The following NEURL1 variants were observed in gnomAD, a reference collection of about 807,000 sequenced individuals.
NEURL1 encodes the protein E3 ubiquitin-protein ligase NEURL1.
A neutral mutation model predicts 41.2 loss-of-function variants in NEURL1; 26 were observed. The ratio of observed to expected loss-of-function variants is 0.63; its 90% CI spans 0.46 to 0.87. The LOEUF (loss-of-function observed/expected upper bound fraction) is 0.87. Among genes scored for constraint, NEURL1 ranks in the 40% least tolerant of loss-of-function variants. The pLI, the probability that NEURL1 is intolerant of heterozygous loss-of-function variation, is 0.00. For missense variants in NEURL1, 761 were observed against 871.1 expected (o/e 0.87, Z 1.59); for synonymous variants, 400 against 402.3 (o/e 0.99, Z 0.07).
intron 1 of NEURL1, among the ~76,000 whole-genome samples, chr10:103,536,428 C>T (rs905234617): frequency 6.6e-6 from 1 of 152,086 alleles, no homozygotes; most frequent in African/African-American, 2.4e-5. Flanking sequence ...CCTGTAGTTC[C>T]AGCTACTTGG....
chr10:103,575,641 T>C (rs1044585024), intron 3 of NEURL1, among the ~76,000 whole-genome samples: 3 of 152,172 alleles, frequency 2.0e-5, no homozygotes, highest in Non-Finnish European at 4.4e-5. Flanking sequence ...AAGCCCACAA[T>C]GGTGCCCATG....
chr10:103,570,979 T>A lies in NEURL1; in HGVS notation c.193T>A (p.Phe65Ile). ...GGGGCTCCCAGCCACGCCGCTGCTC[T>A]TCCACCCGCACACCAAGGGCTCCCA... is the stretch of plus-strand genomic sequence containing the variant. The part of the protein sequence containing the change: ...SGGLPATPLL[F>I]HPHTKGSQIL... Residue 65 changes from phenylalanine (F) to isoleucine (I), a missense_variant, in exon 2 of 6, where the codon TTC (phenylalanine) becomes ATC (isoleucine). Physicochemically the swap from Phe to Ile is conservative, Grantham distance 21. Transcript: ENST00000369780. 2.5e-6 allele frequency: 4 copies of A among 1,613,972 alleles called. No homozygotes were observed. Among genetic ancestry groups the A allele is most frequent in the Non-Finnish European group, 3.4e-6 (4 of 1,179,986 alleles).
At chr10:103,510,970 C>T (rs1218113883) in intron 1 of NEURL1, among the ~76,000 whole-genome samples, 4 of 152,304 alleles carry the variant, frequency 2.6e-5, no homozygotes, top group Non-Finnish European at 5.9e-5. Context: ...TTTCCACTGC[C>T]CAGGTCACAC....
intron 1 of NEURL1, among the ~76,000 whole-genome samples, chr10:103,533,808 T>A (rs913426888): frequency 1.3e-5 from 2 of 152,130 alleles, no homozygotes; most frequent in Non-Finnish European, 2.9e-5. Context: ...AGTGCTGGGA[T>A]TACAGGCTTG....
At position 103,584,535 on chromosome 10, in the gene NEURL1, G is replaced by A. The variant is rs1263223614; in HGVS notation, c.650-1G>A. 1.8e-5 allele frequency: 24 copies of A among 1,365,356 alleles called. No individual in the cohort carries two copies. Among genetic ancestry groups the A allele is most frequent in the Non-Finnish European group, 2.2e-5 (23 of 1,064,238 alleles). 84.6% of individuals were successfully genotyped at this position (1,365,356 alleles called of 1,614,324 possible). A position where few individuals can be genotyped will look rare whatever the true frequency, so the allele number is the denominator to read the frequency against. ...GACACTGCCCCGTGTCTCCCGCGCA[G>A]ATAGCGAGCTGGTGCTCCCGGACTG... is the stretch of plus-strand genomic sequence containing the variant. On this transcript the variant is annotated splice_acceptor_variant, in intron 3 of 5. Coordinates refer to ENST00000369780, the MANE Select transcript of NEURL1 (RefSeq NM_004210.5). LOFTEE classifies it high-confidence loss of function.
At chr10:103,503,918 T>C (rs1419664634) in intron 1 of NEURL1, among the ~76,000 whole-genome samples, 1 of 151,074 alleles carries the variant, frequency 6.6e-6, no homozygotes, top group Non-Finnish European at 1.5e-5. Flanking sequence ...GCCTCCTGAG[T>C]AGCTAAGACT....
intron 1 of NEURL1, among the ~76,000 whole-genome samples, chr10:103,528,215 GC>G (rs1314687820): frequency 9.2e-5 from 14 of 152,186 alleles, no homozygotes; most frequent in African/African-American, 3.4e-4. Flanking sequence ...AATTAGCTGG[GC>G]GTGGTGGCAG....
In NEURL1 at chr10:103,591,992, C is replaced by T. The variant is rs753612651; in HGVS notation, c.*1620C>T. The T allele has an allele frequency of 6.6e-6, 1 of 152,410 alleles. No individual in the cohort carries two copies. Among genetic ancestry groups the T allele is most frequent in the African/African-American group, 2.4e-5 (1 of 41,446 alleles). The allele number at this position is 152,410 out of a possible 1,614,324, so 9.4% of individuals were successfully genotyped here. On this transcript the variant is annotated 3_prime_UTR_variant, in exon 6 of 6. Transcript: ENST00000369780. ...GGTCGGTCCTCTCAGCCCTGCCTGC[C>T]CTGGCCTGGGCTCTCCCAGCCTCCC...
At chr10:103,527,302 T>TG (rs2034480993) in intron 1 of NEURL1, among the ~76,000 whole-genome samples, 1 of 149,516 alleles carries the variant, frequency 6.7e-6, no homozygotes, top group Non-Finnish European at 1.5e-5. Flanking sequence ...TTTTTTTGGT[T>TG]TTTTTTTTTT....
chr10:103,538,166 C>T (rs545167330), intron 1 of NEURL1, among the ~76,000 whole-genome samples: 155 of 152,170 alleles, frequency 1.0e-3, no homozygotes, highest in Non-Finnish European at 1.9e-3. Context: ...ATGATCTCAG[C>T]TCACTGCAAC....
At position 103,578,225 on chromosome 10, in the gene NEURL1, C is replaced by T. The variant is rs148173575; in HGVS notation, c.650-6311C>T. Among the ~76,000 whole-genome samples the T allele has an allele frequency of 2.4e-4, 36 of 152,260 alleles. No individual in the cohort carries two copies. The East Asian group carries it at 6.8e-3, about 29-fold the overall frequency. ...CACTTACCTCACAGATGTGGAAAGG[C>T]ATTTACACAAATGAGAAGGGCTTTT... On this transcript the variant is annotated intron_variant, in intron 3 of 5. Transcript: ENST00000369780.
chr10:103,500,532 G>A (rs757438375), intron 1 of NEURL1, among the ~76,000 whole-genome samples: 34 of 152,290 alleles, frequency 2.2e-4, no homozygotes, highest in Non-Finnish European at 4.1e-4. Context: ...AGAGAGATGG[G>A]GGAGTAATTT....
rs2036031142 is a variant in NEURL1 at position 103,590,941 on chromosome 10, T to TCTCTTTCTTC, written c.*570_*579dup. ...CTCCCTCTCTGACCTATGCCTACCT[T>TCTCTTTCTTC]CTCTTTCTTCGTTCCCTGCCCACTG... On this transcript the variant is annotated 3_prime_UTR_variant, in exon 6 of 6. Transcript: ENST00000369780. 6.5e-6 allele frequency: 1 copy of TCTCTTTCTTC among 153,624 alleles called. No individual in the cohort carries two copies. Among genetic ancestry groups the TCTCTTTCTTC allele is most frequent in the African/African-American group, 2.4e-5 (1 of 41,426 alleles). The allele number at this position is 153,624 out of a possible 1,614,324, so 9.5% of individuals were successfully genotyped here.
intron 1 of NEURL1, among the ~76,000 whole-genome samples, chr10:103,495,232 A>C (rs2033654944): frequency 6.6e-6 from 1 of 152,148 alleles, no homozygotes; most frequent in Non-Finnish European, 1.5e-5. Flanking sequence ...TTTGGAAGAC[A>C]CTGCTGGGTC....
chr10:103,585,338 G>A (rs2035897341), intron 4 of NEURL1, 113 bp downstream of exon 4: 2 of 993,916 alleles, frequency 2.0e-6, no homozygotes, highest in Non-Finnish European at 1.4e-6. Flanking sequence ...GTGTTGCTAA[G>A]GAATCACAGA....
At chr10:103,542,262 T>G (rs760866055) in intron 1 of NEURL1, among the ~76,000 whole-genome samples, 4 of 152,144 alleles carry the variant, frequency 2.6e-5, no homozygotes, top group African/African-American at 4.8e-5. Flanking sequence ...AGTAATTGTT[T>G]TTGTTTTTGG....
intron 1 of NEURL1, among the ~76,000 whole-genome samples, chr10:103,498,732 C>T (rs2033749688): frequency 6.6e-6 from 1 of 152,244 alleles, no homozygotes; most frequent in African/African-American, 2.4e-5. Context: ...AACCACGAAT[C>T]TACTCTTTGT....
In NEURL1 at chr10:103,524,288, T is replaced by G. The variant is rs139981535; in HGVS notation, c.85+29816T>G. ...ATCTGCCTGTTTTTTAATTGGAGGA[T>G]TTTTGTTTGTTTTTTGCTGTTGAGT... On this transcript the variant is annotated intron_variant, in intron 1 of 5. Transcript: ENST00000369780. Among the ~76,000 whole-genome samples the G allele has an allele frequency of 4.3e-3, 653 of 152,216 alleles. 5 individuals are homozygous for G. The highest frequency in any genetic ancestry group is 0.017 in the Middle Eastern group (5 of 294).
At chr10:103,580,466 C>T (rs2035762541) in intron 3 of NEURL1, among the ~76,000 whole-genome samples, 2 of 152,156 alleles carry the variant, frequency 1.3e-5, no homozygotes, top group African/African-American at 2.4e-5. Flanking sequence ...AGTCTTGGGC[C>T]GAGGTTGGTC....
Sources: allele counts gnomAD v4.1 joint callset (sites outside exome capture counted in the v4.1 genomes callset), GRCh38; gene constraint gnomAD v4.1.1; transcripts MANE v1.5; gene names NCBI Gene and HGNC (gene_info 2026-07-23, HGNC 2026-07-21).